Variants in AGBL1 observed in about 807,000 individuals in gnomAD.
AGBL1 encodes cytosolic carboxypeptidase 4.
AGBL1 carries 130 observed loss-of-function variants against 118.9 expected under a neutral mutation model. That is an observed-to-expected ratio of 1.09 (90% CI 0.95 to 1.26). AGBL1 has a LOEUF of 1.26. Among genes scored for constraint, AGBL1 ranks in the 50% most tolerant of loss-of-function variants. The pLI is 0.00. For synonymous variants in AGBL1, 555 were observed against 478.9 expected, an observed-to-expected ratio of 1.16 and a Z score of -2.08; for missense variants, 1,584 against 1,298.1, an observed-to-expected ratio of 1.22 and a Z score of -3.38.
At chr15:86,515,961 G>T (rs1189388217) in intron 18 of AGBL1, among the ~76,000 whole-genome samples, 1 of 152,208 alleles carries the variant, frequency 6.6e-6, no homozygotes, top group East Asian at 1.9e-4. Context: ...TGTGTAAGAT[G>T]TACATTGATT....
intron 15 of AGBL1, 125 bp from the exon 16 acceptor site, chr15:86,279,514 G>A (rs1402768981): frequency 2.2e-6 from 2 of 893,058 alleles, no homozygotes; most frequent in African/African-American, 1.7e-5. Flanking sequence ...AATGTTTCAA[G>A]TGAAGGCCAT....
At chr15:86,141,574 C>T (rs929610842) in intron 1 of AGBL1, among the ~76,000 whole-genome samples, 1 of 152,170 alleles carries the variant, frequency 6.6e-6, no homozygotes, top group Non-Finnish European at 1.5e-5. Context: ...CTGCTTGAAC[C>T]CGGGAGGTGG....
intron 18 of AGBL1, among the ~76,000 whole-genome samples, chr15:86,519,163 C>T (rs924203835): frequency 5.3e-5 from 8 of 152,082 alleles, no homozygotes; most frequent in African/African-American, 1.2e-4. Context: ...TATCAAAATT[C>T]GTGGATGCTC....
At chr15:86,827,443 G>A (rs1340586123) in intron 22 of AGBL1, among the ~76,000 whole-genome samples, 1 of 4,562 alleles carries the variant, frequency 2.2e-4, no homozygotes, top group African/African-American at 7.8e-4. Flanking sequence ...ATATATATAT[G>A]TGTGTGTATA....
chr15:86,101,569 G>A (rs905048486), intron 1 of AGBL1, among the ~76,000 whole-genome samples: 5 of 148,788 alleles, frequency 3.4e-5, no homozygotes, highest in African/African-American at 9.8e-5. Flanking sequence ...GTGCAGTTAT[G>A]TTTACAATTG....
intron 21 of AGBL1, among the ~76,000 whole-genome samples, chr15:86,596,177 G>A (rs533934645): frequency 5.3e-5 from 8 of 152,110 alleles, no homozygotes; most frequent in South Asian, 2.1e-4. Flanking sequence ...ACATGTTGGC[G>A]TGTGCCTGTA....
At chr15:86,343,467 T>G (rs2080492214) in intron 17 of AGBL1, among the ~76,000 whole-genome samples, 1 of 152,172 alleles carries the variant, frequency 6.6e-6, no homozygotes, top group Non-Finnish European at 1.5e-5. Context: ...TTTCTCCAGT[T>G]TCATGTGCTG....
intron 21 of AGBL1, among the ~76,000 whole-genome samples, chr15:86,583,579 G>A (rs2084204430): frequency 6.6e-6 from 1 of 152,086 alleles, no homozygotes; most frequent in Non-Finnish European, 1.5e-5. Flanking sequence ...CCAGTCCACT[G>A]CTGATGGGCG....
rs982796829 is a variant in AGBL1 at position 86,314,114 on chromosome 15, T to C, written c.2374+18706T>C. Among the ~76,000 whole-genome samples, 3 of 152,214 alleles carry C rather than the reference T, an allele frequency of 2.0e-5. 1 individual carries two copies. The highest frequency in any genetic ancestry group is 7.2e-5 in the African/African-American group (3 of 41,462). On this transcript the variant is annotated intron_variant, in intron 17 of 22. Transcript: ENST00000614907. ...TTCCTGCTCTCCCTCCTGGTGCTTA[T>C]AGTCTATCTTTGAGGTTTGGATATG... is the stretch of plus-strand genomic sequence containing the variant.
intron 7 of AGBL1, among the ~76,000 whole-genome samples, chr15:86,250,207 C>A (rs1035167379): frequency 2.6e-5 from 4 of 152,006 alleles, no homozygotes; most frequent in African/African-American, 9.7e-5. Context: ...CACCACCACT[C>A]GCCCTTGCTT....
At chr15:86,650,788 C>T (rs938362693) in intron 21 of AGBL1, among the ~76,000 whole-genome samples, 4 of 152,182 alleles carry the variant, frequency 2.6e-5, no homozygotes, top group Non-Finnish European at 4.4e-5. Flanking sequence ...TCCCGAGCTC[C>T]CTCATCTCCC....
intron 22 of AGBL1, among the ~76,000 whole-genome samples, chr15:86,803,154 C>T (rs1397939603): frequency 1.3e-5 from 2 of 152,096 alleles, no homozygotes; most frequent in African/African-American, 2.4e-5. Context: ...CTCTGTGTCT[C>T]CGCTGAAATC....
chr15:86,533,707 C>T (rs1314221190), intron 19 of AGBL1, among the ~76,000 whole-genome samples: 2 of 121,492 alleles, frequency 1.6e-5, no homozygotes, highest in Non-Finnish European at 3.2e-5. Context: ...GACTTGGAAC[C>T]AACCCAAATG....
In AGBL1 at chr15:86,750,805, G is replaced by A. The variant is rs553106822; in HGVS notation, c.3158+76369G>A. On this transcript the variant is annotated intron_variant, in intron 22 of 22. Transcript: ENST00000614907. ...TGCCTCTTCCCGCCTTCCACCCTCTGATAGGCCCCAGCGTGTGTGTTGTTC... is the reference window on the plus strand; with the variant it reads ...TGCCTCTTCCCGCCTTCCACCCTCTAATAGGCCCCAGCGTGTGTGTTGTTC... Among the ~76,000 whole-genome samples, 12 of 150,148 alleles carry A rather than the reference G, an allele frequency of 8.0e-5. 1 individual carries two copies. In the South Asian group the frequency reaches 2.5e-3, roughly 32 times the overall value.
intron 22 of AGBL1, among the ~76,000 whole-genome samples, chr15:86,890,222 T>G (rs956704103): frequency 7.9e-5 from 12 of 151,998 alleles, no homozygotes; most frequent in Non-Finnish European, 1.5e-5. Context: ...GTTCATATCC[T>G]TTGCCCACTT....
intron 1 of AGBL1, among the ~76,000 whole-genome samples, chr15:86,081,913 G>A (rs920433121): frequency 2.0e-5 from 3 of 152,208 alleles, no homozygotes; most frequent in East Asian, 3.9e-4. Flanking sequence ...GATAATTGAT[G>A]TTTAGCATGA....
chr15:86,769,110 C>A (rs2078136008), intron 22 of AGBL1, among the ~76,000 whole-genome samples: 1 of 148,732 alleles, frequency 6.7e-6, no homozygotes, highest in Non-Finnish European at 1.5e-5. Context: ...CCTGTACATG[C>A]AATGGGATAC....
At chr15:86,931,991 A>G (rs541339591) in intron 23 of AGBL1, among the ~76,000 whole-genome samples, 19 of 152,338 alleles carry the variant, frequency 1.2e-4, no homozygotes, top group African/African-American at 3.8e-4. Flanking sequence ...ATTCTGAAGG[A>G]CAAAATGAAT....
chr15:86,848,238 T>A (rs898986434), intron 22 of AGBL1, among the ~76,000 whole-genome samples: 2 of 152,204 alleles, frequency 1.3e-5, no homozygotes, highest in East Asian at 3.8e-4. Flanking sequence ...CTCGACTTTG[T>A]GTATGCATTT....
Sources: gnomAD v4.1 joint callset for allele counts (sites outside exome capture counted in the v4.1 genomes callset) on GRCh38, gnomAD v4.1.1 for gene constraint, MANE v1.5 for transcripts, NCBI Gene and HGNC (gene_info 2026-07-23, HGNC 2026-07-21) for gene names.